STAC: variants seen among roughly 807,000 people sequenced by gnomAD.
STAC encodes SH3 and cysteine-rich domain-containing protein.
A neutral mutation model predicts 48.8 loss-of-function variants in STAC; 43 were observed. The ratio of observed to expected loss-of-function variants is 0.88; its 90% CI spans 0.69 to 1.14. The LOEUF is 1.14. Ranked by LOEUF, STAC falls within the 50% of genes most tolerant of loss-of-function variation. The pLI, the probability that STAC is intolerant of heterozygous loss-of-function variation, is 0.00. For synonymous variants in STAC, 193 were observed against 179.5 expected, an observed-to-expected ratio of 1.07 and a Z score of -0.60; for missense variants, 497 against 504.0, an observed-to-expected ratio of 0.99 and a Z score of 0.13.
At chr3:36,511,842 G>A (rs1034650026) in intron 8 of STAC, among the ~76,000 whole-genome samples, 2 of 152,188 alleles carry the variant, frequency 1.3e-5, no homozygotes, top group African/African-American at 4.8e-5. Context: ...AATAGTGAGA[G>A]CCACTGAAAT....
rs75630405 is a variant in STAC at position 36,490,176 on chromosome 3, A to C, written c.688-2975A>C. ...AACAGCATTTGAGTGACACATTTAC[A>C]GTGGCCACAAGCCTGGATCTGAAGT... On this transcript the variant is annotated intron_variant, in intron 5 of 10. Coordinates refer to ENST00000273183, the MANE Select transcript of STAC (RefSeq NM_003149.3). 6.6e-5 allele frequency among the ~76,000 whole-genome samples: 10 copies of C among 152,282 alleles called. No homozygotes were observed. The East Asian group carries it at 1.9e-3, about 29-fold the overall frequency.
At chr3:36,432,338 A>C (rs1457297539) in intron 1 of STAC, among the ~76,000 whole-genome samples, 1 of 152,174 alleles carries the variant, frequency 6.6e-6, no homozygotes, top group African/African-American at 2.4e-5. Context: ...TCTGACCCCA[A>C]AGTCTTCACT....
intron 10 of STAC, among the ~76,000 whole-genome samples, chr3:36,544,868 A>T (rs1304736321): frequency 1.3e-5 from 2 of 152,126 alleles, no homozygotes; most frequent in African/African-American, 4.8e-5. Flanking sequence ...TCTTCTCTTC[A>T]CTTCACTGTC....
At chr3:36,530,593 C>CTTTTTTTT (rs577222686) in intron 10 of STAC, among the ~76,000 whole-genome samples, 5 of 72,016 alleles carry the variant, frequency 6.9e-5, no homozygotes, top group Non-Finnish European at 1.2e-4. Flanking sequence ...TTTTTTTTTT[C>CTTTTTTTT]TTTTTTTTTT....
intron 1 of STAC, among the ~76,000 whole-genome samples, chr3:36,412,211 T>C (rs1043893291): frequency 2.0e-5 from 3 of 152,168 alleles, no homozygotes; most frequent in East Asian, 1.9e-4. Flanking sequence ...GCTTATTGCA[T>C]TGAAATGGCA....
At chr3:36,451,878 G>A (rs1696693763) in intron 2 of STAC, among the ~76,000 whole-genome samples, 1 of 152,194 alleles carries the variant, frequency 6.6e-6, no homozygotes, top group African/African-American at 2.4e-5. Flanking sequence ...AACGTGAGTA[G>A]CAAATACATA....
At chr3:36,505,625 CACTT>C (rs1231695548) in intron 7 of STAC, 117 bp from the exon 8 acceptor site, 20 of 637,056 alleles carry the variant, frequency 3.1e-5, no homozygotes, top group African/African-American at 1.9e-4. Flanking sequence ...GGTTAGATAA[CACTT>C]ACGATCCATA....
chr3:36,485,128 C>CCCACGGGTTTTGCAG, intron 4 of STAC, 70 bp downstream of exon 4: 12 of 1,325,494 alleles, frequency 9.1e-6, no homozygotes, highest in Non-Finnish European at 1.2e-5. Context: ...CTACTGTCCT[C>CCCACGGGTTTTGCAG]CCATGGCTGC....
chr3:36,525,065 TAA>T (rs953244734), intron 8 of STAC, among the ~76,000 whole-genome samples: 5 of 152,160 alleles, frequency 3.3e-5, no homozygotes, highest in South Asian at 2.1e-4. Flanking sequence ...ATCTATTTAT[TAA>T]GTTTTTTTAT....
At chr3:36,390,435 A>G (rs969880660) in intron 1 of STAC, among the ~76,000 whole-genome samples, 2 of 110,530 alleles carry the variant, frequency 1.8e-5, no homozygotes, top group Non-Finnish European at 4.2e-5. Context: ...GGAAGTAATC[A>G]TGTGATTTTT....
At chr3:36,426,269 T>A (rs1241097226) in intron 1 of STAC, among the ~76,000 whole-genome samples, 1 of 152,200 alleles carries the variant, frequency 6.6e-6, no homozygotes, top group Non-Finnish European at 1.5e-5. Context: ...AAAGTCTCCC[T>A]GTTCATTTGG....
In STAC at chr3:36,528,732, T is replaced by C; in HGVS notation, c.957T>C (p.Asn319=). The C allele has an allele frequency of 1.2e-6, 2 of 1,607,412 alleles. No homozygotes were observed. The highest frequency in any genetic ancestry group is 1.7e-6 in the Non-Finnish European group (2 of 1,177,330). ...GDIITLLEDS[N]EDWWKGKIQD... ...TAATTACTCTTTTAGAGGATTCCAA[T>C]GAAGACTGGTGGAAAGTAAGTGTTC... is the stretch of plus-strand genomic sequence containing the variant. Residue 319 remains asparagine (N), a synonymous_variant, in exon 9 of 11, where the codon AAT becomes AAC. Transcript: ENST00000273183.
At chr3:36,411,236 C>T (rs1320384714) in intron 1 of STAC, among the ~76,000 whole-genome samples, 2 of 152,236 alleles carry the variant, frequency 1.3e-5, no homozygotes, top group African/African-American at 4.8e-5. Flanking sequence ...CCTAAGCCAT[C>T]TTCTGTCTAT....
At chr3:36,540,342 A>C (rs142460808) in intron 10 of STAC, among the ~76,000 whole-genome samples, 3 of 152,306 alleles carry the variant, frequency 2.0e-5, no homozygotes, top group Admixed American at 1.3e-4. Flanking sequence ...TAGCAACAAC[A>C]GGAAACTAAT....
intron 6 of STAC, among the ~76,000 whole-genome samples, chr3:36,503,250 TTTTG>T (rs1698320415): frequency 6.6e-6 from 1 of 152,142 alleles, no homozygotes; most frequent in Non-Finnish European, 1.5e-5. Flanking sequence ...TTTACCACAT[TTTTG>T]TTTAAGGAAA....
At chr3:36,515,397 G>A (rs955302599) in intron 8 of STAC, among the ~76,000 whole-genome samples, 2 of 152,152 alleles carry the variant, frequency 1.3e-5, no homozygotes, top group East Asian at 1.9e-4. Context: ...CTGGGAAAAA[G>A]AGATGCAAGC....
At chr3:36,436,490 A>C (rs1399906060) in intron 1 of STAC, among the ~76,000 whole-genome samples, 6 of 152,190 alleles carry the variant, frequency 3.9e-5, no homozygotes, top group Non-Finnish European at 8.8e-5. Flanking sequence ...GTTCTTAACC[A>C]GACGCACCGA....
intron 10 of STAC, among the ~76,000 whole-genome samples, chr3:36,541,462 A>G (rs2125504554): frequency 6.6e-6 from 1 of 152,346 alleles, no homozygotes; most frequent in South Asian, 2.1e-4. Flanking sequence ...TTGATGCAGA[A>G]CTAAGGTTGC....
rs115291775 is a variant in STAC, at chr3:36,453,047, T to C, written c.388+9407T>C. 4.4e-3 allele frequency among the ~76,000 whole-genome samples: 673 copies of C among 152,346 alleles called. 5 individuals carry two copies. Among genetic ancestry groups the C allele is most frequent in the African/African-American group, 0.015 (634 of 41,578 alleles). On this transcript the variant is annotated intron_variant, in intron 2 of 10. Coordinates refer to ENST00000273183, the MANE Select transcript of STAC (RefSeq NM_003149.3). ...GAGGATATCTGAACCCCATTTTGGG[T>C]ACCAGTTTGTGGAAGTTGGGAAGCC...
Sources: allele counts gnomAD v4.1 joint callset (sites outside exome capture counted in the v4.1 genomes callset), GRCh38; gene constraint gnomAD v4.1.1; transcripts MANE v1.5; gene names NCBI Gene and HGNC (gene_info 2026-07-23, HGNC 2026-07-21).